Variants in DTNA observed in about 807,000 individuals in gnomAD.
DTNA encodes the protein dystrobrevin alpha, also known as dystrophin-related protein 3.
In DTNA, 43 loss-of-function variants were observed where a neutral mutation model predicts 100.7. The observed-to-expected ratio is 0.43, with a 90% confidence interval of 0.33 to 0.55. The LOEUF (loss-of-function observed/expected upper bound fraction) is 0.55, where lower values mean the gene tolerates loss of function less well. Ranked by LOEUF, DTNA falls within the 20% of genes least tolerant of loss-of-function variation. DTNA has a pLI of 0.04. For missense variants in DTNA, 798 were observed against 953.9 expected, an observed-to-expected ratio of 0.84 and a Z score of 2.15; for synonymous variants, 349 against 347.9, an observed-to-expected ratio of 1.00 and a Z score of -0.04.
At chr18:34,686,123 C>T (rs754731970) in intron 1 of DTNA, among the ~76,000 whole-genome samples, 1 of 151,614 alleles carries the variant, frequency 6.6e-6, no homozygotes, top group Non-Finnish European at 1.5e-5. Flanking sequence ...ATTTGAATAC[C>T]CTTCATTTCT....
chr18:34,635,779 G>T (rs1350506716), intron 1 of DTNA, among the ~76,000 whole-genome samples: 1 of 152,104 alleles, frequency 6.6e-6, no homozygotes. Flanking sequence ...CTGGGAAGCT[G>T]TCATGCTCAT....
At position 34,607,304 on chromosome 18, in the gene DTNA, TA is replaced by T. The variant is rs2053330349; in HGVS notation, c.-2+113793del. 2.0e-5 allele frequency among the ~76,000 whole-genome samples: 3 copies of T among 152,198 alleles called. No homozygotes were observed. In the South Asian group the frequency reaches 6.2e-4, roughly 31 times the overall value. ...AGAGTTTCAAGAAATGTATTTCACA[TA>T]AATTGATCACTCTGGATGGTGATTT... is the stretch of plus-strand genomic sequence containing the variant. On this transcript the variant is annotated intron_variant, in intron 1 of 19. Transcript: ENST00000283365.
chr18:34,780,940 A>G (rs1601900441), intron 3 of DTNA, among the ~76,000 whole-genome samples: 3 of 152,246 alleles, frequency 2.0e-5, no homozygotes, highest in African/African-American at 4.8e-5. Context: ...GCATTGGTCA[A>G]TGGTTGCCTA....
intron 3 of DTNA, 77 bp from the exon 4 acceptor site, chr18:34,793,960 G>A (rs1275197580): frequency 1.4e-6 from 2 of 1,478,534 alleles, no homozygotes; most frequent in African/African-American, 2.8e-5. Context: ...GAAAAAAACA[G>A]GACAGAGGGT....
At chr18:34,784,406 A>G (rs902006584) in intron 3 of DTNA, among the ~76,000 whole-genome samples, 2 of 152,204 alleles carry the variant, frequency 1.3e-5, no homozygotes, top group African/African-American at 4.8e-5. Flanking sequence ...TAAATGCACC[A>G]TCATCGTTCT....
intron 3 of DTNA, among the ~76,000 whole-genome samples, chr18:34,775,211 G>A (rs2093980591): frequency 2.0e-5 from 3 of 152,250 alleles, no homozygotes; most frequent in African/African-American, 7.2e-5. Flanking sequence ...AGTTAGCCAG[G>A]TGCAGTGGCT....
At chr18:34,630,406 A>G (rs1020523939) in intron 1 of DTNA, among the ~76,000 whole-genome samples, 4 of 152,348 alleles carry the variant, frequency 2.6e-5, no homozygotes, top group Non-Finnish European at 5.9e-5. Flanking sequence ...CATGCAGTGT[A>G]TGATCATTTT....
At position 34,818,288 on chromosome 18, in the gene DTNA, T is replaced by C; in HGVS notation, c.834T>C (p.Gly278=). The stretch of plus-strand genomic sequence containing the variant: ...GCTTCTGGAGGGGACATGCCGGTGG[T>C]TCTCATAGCAACCAGCACCAAATGA... ...QDCFWRGHAG[G]SHSNQHQMKE... is the part of the protein sequence containing the mutation. The change falls in exon 8 of 23, where the codon GGT becomes GGC. Residue 278 remains glycine (G), a synonymous_variant. Coordinates refer to ENST00000444659, the MANE Select transcript of DTNA (RefSeq NM_001386795.1). 1 of 1,613,962 alleles carries C rather than the reference T, an allele frequency of 6.2e-7. No homozygotes were observed. Among genetic ancestry groups the C allele is most frequent in the Non-Finnish European group, 8.5e-7 (1 of 1,179,944 alleles).
chr18:34,878,912 C>T (rs2096844972), intron 19 of DTNA, among the ~76,000 whole-genome samples: 1 of 152,086 alleles, frequency 6.6e-6, no homozygotes. Flanking sequence ...TTAAAAAAAT[C>T]CTGGACTTCG....
upstream of DTNA, among the ~76,000 whole-genome samples, chr18:34,705,839 TGTTA>T (rs1210052669): frequency 6.6e-6 from 1 of 152,228 alleles, no homozygotes; most frequent in African/African-American, 2.4e-5. Context: ...TATATACGAA[TGTTA>T]AAATTTTATG....
At chr18:34,836,115 G>A (rs1380710136) in intron 11 of DTNA, among the ~76,000 whole-genome samples, 2 of 152,164 alleles carry the variant, frequency 1.3e-5, no homozygotes, top group African/African-American at 2.4e-5. Context: ...TGAATGTATG[G>A]AGATCTGCTT....
At chr18:34,598,323 T>A (rs1199645717) in intron 1 of DTNA, among the ~76,000 whole-genome samples, 1 of 151,902 alleles carries the variant, frequency 6.6e-6, no homozygotes, top group Non-Finnish European at 1.5e-5. Context: ...AGATTCATAA[T>A]CAAAAGAGTC....
At chr18:34,554,249 G>A (rs1290899883) in intron 1 of DTNA, among the ~76,000 whole-genome samples, 17 of 137,906 alleles carry the variant, frequency 1.2e-4, no homozygotes, top group Admixed American at 9.1e-4. Context: ...TGCTGAAGTT[G>A]CTTATCAGCT....
intron 1 of DTNA, chr18:34,683,630 G>A (rs1020591787): frequency 6.6e-6 from 1 of 152,090 alleles, no homozygotes; most frequent in Non-Finnish European, 1.5e-5. Flanking sequence ...TTCAGACAAT[G>A]CGCAAATGCC....
At chr18:34,572,817 G>A (rs962769486) in intron 1 of DTNA, among the ~76,000 whole-genome samples, 1 of 152,168 alleles carries the variant, frequency 6.6e-6, no homozygotes, top group Non-Finnish European at 1.5e-5. Context: ...AATACAGCTA[G>A]GTGGTTCATC....
At chr18:34,748,403 T>C (rs1342625795) in intron 1 of DTNA, among the ~76,000 whole-genome samples, 1 of 152,192 alleles carries the variant, frequency 6.6e-6, no homozygotes, top group African/African-American at 2.4e-5. Flanking sequence ...TAGAAGAGTT[T>C]TTCCAATGTT....
At chr18:34,809,603 C>T (rs965553445) in intron 5 of DTNA, among the ~76,000 whole-genome samples, 1 of 152,112 alleles carries the variant, frequency 6.6e-6, no homozygotes, top group African/African-American at 2.4e-5. Context: ...TTCTAATTCA[C>T]GTTAAGCCAA....
intron 1 of DTNA, among the ~76,000 whole-genome samples, chr18:34,605,326 C>A (rs891406807): frequency 3.3e-5 from 5 of 152,008 alleles, no homozygotes; most frequent in African/African-American, 1.2e-4. Flanking sequence ...TGTATGGACC[C>A]ACATGTCCAA....
intron 1 of DTNA, among the ~76,000 whole-genome samples, chr18:34,747,474 T>C (rs72953297): frequency 0.051 from 7,787 of 152,192 alleles, 317 homozygotes; most frequent in Non-Finnish European, 0.08. Flanking sequence ...CAATATGTAG[T>C]CATTTATCCC....
Sources: allele counts gnomAD v4.1 joint callset (sites outside exome capture counted in the v4.1 genomes callset), GRCh38; gene constraint gnomAD v4.1.1; transcripts MANE v1.5; gene names NCBI Gene and HGNC (gene_info 2026-07-23, HGNC 2026-07-21).